The following GNA13 variants were observed in gnomAD, a reference collection of about 807,000 sequenced individuals.
GNA13 encodes guanine nucleotide-binding protein subunit alpha-13.
A neutral mutation model predicts 33.5 loss-of-function variants in GNA13; 4 were observed. The ratio of observed to expected loss-of-function variants is 0.12; its 90% CI spans 0.06 to 0.27. The LOEUF (loss-of-function observed/expected upper bound fraction) is 0.27, where lower values mean the gene tolerates loss of function less well. GNA13 is among the 10% of genes least tolerant of loss of function. GNA13 has a pLI of 1.00. For missense variants in GNA13, 319 were observed against 487.2 expected, an observed-to-expected ratio of 0.65 and a Z score of 3.25; for synonymous variants, 176 against 183.8, an observed-to-expected ratio of 0.96 and a Z score of 0.34.
intron 2 of GNA13, among the ~76,000 whole-genome samples, chr17:65,051,647 G>A (rs1480928207): frequency 6.6e-6 from 1 of 152,058 alleles, no homozygotes; most frequent in Non-Finnish European, 1.5e-5. Context: ...TAGAGTGATG[G>A]GCGATGGAAA....
At chr17:65,050,059 T>C (rs1907807346) in intron 2 of GNA13, among the ~76,000 whole-genome samples, 1 of 152,196 alleles carries the variant, frequency 6.6e-6, no homozygotes, top group African/African-American at 2.4e-5. Flanking sequence ...ACAGGTAAGC[T>C]AGCTAGAGTC....
chr17:65,034,450 C>CA (rs1295882660), intron 2 of GNA13, among the ~76,000 whole-genome samples: 1 of 151,942 alleles, frequency 6.6e-6, no homozygotes, highest in Non-Finnish European at 1.5e-5. Flanking sequence ...AGACACCCGC[C>CA]ACCACGCCCA....
intron 2 of GNA13, among the ~76,000 whole-genome samples, chr17:65,037,565 T>C (rs1907292821): frequency 6.6e-6 from 1 of 152,004 alleles, no homozygotes; most frequent in African/African-American, 2.4e-5. Flanking sequence ...CCTACATTTC[T>C]CCTACCTTTC....
chr17:65,020,111 G>T (rs534061683), intron 2 of GNA13, among the ~76,000 whole-genome samples: 10 of 152,328 alleles, frequency 6.6e-5, no homozygotes, highest in African/African-American at 2.4e-4. Flanking sequence ...ACAAAGCTCA[G>T]TACGAGGCAA....
In GNA13 at chr17:65,056,284, CCCCGGCCCCCATT is replaced by C. The variant is rs1376915588; in HGVS notation, c.283+14_283+26del. 27 of 1,545,228 alleles carry C rather than the reference CCCCGGCCCCCATT, an allele frequency of 1.7e-5. No individual in the cohort carries two copies. The highest frequency in any genetic ancestry group is 4.1e-5 in the African/African-American group (3 of 73,638). On this transcript the variant is annotated intron_variant, in intron 1 of 3. Transcript: ENST00000439174. ...CCGCCCCAGCCCCCCTGCCCTTAAC[CCCCGGCCCCCATT>C]CCCGGCCCGGCACCTTTGATCACGT...
intron 2 of GNA13, among the ~76,000 whole-genome samples, chr17:65,024,906 T>C (rs1036102866): frequency 2.0e-5 from 3 of 152,162 alleles, no homozygotes; most frequent in African/African-American, 7.2e-5. Flanking sequence ...TTTCTTGAGA[T>C]AGGGTCTCAA....
intron 2 of GNA13, among the ~76,000 whole-genome samples, chr17:65,023,138 T>C (rs188279194): frequency 8.8e-4 from 134 of 152,338 alleles, no homozygotes; most frequent in African/African-American, 3.1e-3. Flanking sequence ...TAAACTGGAA[T>C]ATGCTAGGCT....
At chr17:65,020,839 C>T (rs959958962) in intron 2 of GNA13, among the ~76,000 whole-genome samples, 21 of 152,062 alleles carry the variant, frequency 1.4e-4, no homozygotes, top group African/African-American at 5.1e-4. Context: ...TTAGTAGAGA[C>T]AGGGTTTCCC....
At chr17:65,051,195 T>C (rs1907845611) in intron 2 of GNA13, among the ~76,000 whole-genome samples, 1 of 152,236 alleles carries the variant, frequency 6.6e-6, no homozygotes, top group African/African-American at 2.4e-5. Flanking sequence ...CACTGTATGC[T>C]TATTACAGAT....
chr17:65,021,934 A>G (rs890611379), intron 2 of GNA13, among the ~76,000 whole-genome samples: 3 of 152,246 alleles, frequency 2.0e-5, no homozygotes, highest in African/African-American at 7.2e-5. Flanking sequence ...CTGAAAAAGT[A>G]TATACAACTA....
chr17:65,041,349 T>A (rs1907446838), intron 2 of GNA13, among the ~76,000 whole-genome samples: 1 of 151,726 alleles, frequency 6.6e-6, no homozygotes, highest in African/African-American at 2.4e-5. Context: ...TGTTTTTAAA[T>A]GCTAAAATCA....
intron 2 of GNA13, among the ~76,000 whole-genome samples, chr17:65,049,121 T>C (rs1481717588): frequency 4.6e-5 from 7 of 152,180 alleles, no homozygotes. Flanking sequence ...TTAATTTTTA[T>C]TTTTTTGAGA....
At chr17:65,026,085 T>C (rs1368854142) in intron 2 of GNA13, among the ~76,000 whole-genome samples, 1 of 151,876 alleles carries the variant, frequency 6.6e-6, no homozygotes, top group Non-Finnish European at 1.5e-5. Flanking sequence ...AGGCCTACTC[T>C]GCCAAACATT....
rs897653331 is a variant in GNA13, at chr17:65,011,894, C to T, written c.*2363G>A. 9 of 226,838 alleles carry T rather than the reference C, an allele frequency of 4.0e-5. No homozygotes were observed. The East Asian group carries it at 5.1e-4, about 13-fold the overall frequency. The allele number at this position is 226,838 out of a possible 1,614,324, so 14.1% of individuals were successfully genotyped here. On this transcript the variant is annotated 3_prime_UTR_variant, in exon 4 of 4. Coordinates refer to ENST00000439174, the MANE Select transcript of GNA13 (RefSeq NM_006572.6). ...TTTTCATGATACAGGTGTAAGACTCCTTTCAAACGTTTTTAAAATACAACG... is the reference window on the plus strand; with the variant it reads ...TTTTCATGATACAGGTGTAAGACTCTTTTCAAACGTTTTTAAAATACAACG...
At chr17:65,055,397 G>A (rs1908009011) in intron 1 of GNA13, among the ~76,000 whole-genome samples, 3 of 152,116 alleles carry the variant, frequency 2.0e-5, no homozygotes, top group Admixed American at 2.0e-4. Flanking sequence ...TCAATAAAGA[G>A]CCGAGCCAAT....
chr17:65,013,071 C>T lies in GNA13; in HGVS notation c.*1186G>A, dbSNP rs1026912480. The T allele has an allele frequency of 1.0e-4, 21 of 209,064 alleles. No homozygotes were observed. The highest frequency in any genetic ancestry group is 3.5e-4 in the Admixed American group (6 of 16,940). The allele number at this position is 209,064 out of a possible 1,614,324, so 13.0% of individuals were successfully genotyped here. ...CTGATCCTTAGAAGCATCCTTAAAA[C>T]ATTTAAAATATACCTCAAAAAAGCT... is the stretch of plus-strand genomic sequence containing the variant. On this transcript the variant is annotated 3_prime_UTR_variant, in exon 4 of 4. Coordinates refer to ENST00000439174, the MANE Select transcript of GNA13 (RefSeq NM_006572.6).
chr17:65,037,778 G>GAAAAAAAAA (rs71158360), intron 2 of GNA13, among the ~76,000 whole-genome samples: 2 of 99,138 alleles, frequency 2.0e-5, no homozygotes, highest in Non-Finnish European at 3.6e-5. Flanking sequence ...TACAAAAATG[G>GAAAAAAAAA]AAAAAAAAAA....
chr17:65,035,924 C>A (rs901940757), intron 2 of GNA13, among the ~76,000 whole-genome samples: 39 of 152,150 alleles, frequency 2.6e-4, no homozygotes, highest in Admixed American at 1.3e-4. Context: ...CCTATTAGAG[C>A]GCTTCATAAT....
chr17:65,052,235 C>T (rs368383739), intron 2 of GNA13: 2 of 152,246 alleles, frequency 1.3e-5, no homozygotes, highest in African/African-American at 4.8e-5. Context: ...CTTACCGCAG[C>T]CTCCGCTTCC....
Sources: gnomAD v4.1 joint callset for allele counts (sites outside exome capture counted in the v4.1 genomes callset) on GRCh38, gnomAD v4.1.1 for gene constraint, MANE v1.5 for transcripts, NCBI Gene and HGNC (gene_info 2026-07-23, HGNC 2026-07-21) for gene names.